The following KMT2E variants were observed in gnomAD, a reference collection of about 807,000 sequenced individuals.
The protein encoded by KMT2E is histone reader KMT2E.
In KMT2E, 30 loss-of-function variants were observed where a neutral mutation model predicts 184.6. The ratio of observed to expected loss-of-function variants is 0.16; its 90% confidence interval spans 0.12 to 0.22. The LOEUF (loss-of-function observed/expected upper bound fraction) is 0.22, where lower values mean the gene tolerates loss of function less well. Ranked by LOEUF, KMT2E falls within the 10% of genes least tolerant of loss-of-function variation. The pLI, the probability that KMT2E is intolerant of heterozygous loss-of-function variation, is 1.00. For missense variants in KMT2E, 2,023 were observed against 2,237.4 expected (o/e 0.90, Z 1.93); for synonymous variants, 815 against 776.5 (o/e 1.05, Z -0.82).
At chr7:105,054,458 GTCTATCTATCTATCTA>G (rs71152935) in intron 3 of KMT2E, among the ~76,000 whole-genome samples, 2,087 of 136,590 alleles carry the variant, frequency 0.015, 31 homozygotes, top group South Asian at 0.044. Context: ...CTGTCTGTCT[GTCTATCTATCTATCTA>G]TCTATCTATC....
intron 22 of KMT2E, 62 bp downstream of exon 22, chr7:105,107,987 T>C (rs1289729752): frequency 3.3e-5 from 37 of 1,124,762 alleles, no homozygotes; most frequent in Non-Finnish European, 4.3e-5. Context: ...ATAATACTAC[T>C]GAGGGGAATT....
In KMT2E at chr7:105,109,405, G is replaced by A. The variant is rs56654846; in HGVS notation, c.3755+177G>A. 3.7e-3 allele frequency among the ~76,000 whole-genome samples: 560 copies of A among 152,260 alleles called. 15 individuals are homozygous for A. The East Asian group carries it at 0.062, about 17-fold the overall frequency. ...TGTATGGCCTGTGTTCTTAAATGTC[G>A]ATTGTATTTATTCCTTGGTAATTTA... is the stretch of plus-strand genomic sequence containing the variant. On this transcript the variant is annotated intron_variant, in intron 23 of 26. Coordinates refer to ENST00000311117, the MANE Select transcript of KMT2E (RefSeq NM_182931.3).
intron 3 of KMT2E, among the ~76,000 whole-genome samples, chr7:105,042,181 G>A (rs923455705): frequency 6.6e-6 from 1 of 152,036 alleles, no homozygotes; most frequent in Admixed American, 6.5e-5. Context: ...AGTAGAGACA[G>A]GGTTTCACCA....
intron 3 of KMT2E, among the ~76,000 whole-genome samples, chr7:105,047,243 A>G (rs1796144610): frequency 6.6e-6 from 1 of 152,262 alleles, no homozygotes; most frequent in Non-Finnish European, 1.5e-5. Context: ...ACTCCCAGAA[A>G]GAAAATAAGT....
At position 105,107,293 on chromosome 7, in the gene KMT2E, G is replaced by T. The variant is rs768601052; in HGVS notation, c.2905-69G>T. 4.9e-4 allele frequency: 742 copies of T among 1,510,012 alleles called. 2 individuals carry two copies. The highest frequency in any genetic ancestry group is 1.1e-3 in the South Asian group (86 of 79,494). The allele number at this position is 1,510,012 out of a possible 1,614,324, so 93.5% of individuals were successfully genotyped here. On this transcript the variant is annotated intron_variant, in intron 21 of 26. Coordinates refer to ENST00000311117, the MANE Select transcript of KMT2E (RefSeq NM_182931.3). ...TTACATTGTTTTCCTTAAATTACTG[G>T]TAAATTTTGAAATAAACAGTCCCAA...
chr7:105,081,418 GTATTTTTAT>G (rs1042339390), intron 12 of KMT2E, among the ~76,000 whole-genome samples: 1 of 141,598 alleles, frequency 7.1e-6, no homozygotes, highest in African/African-American at 2.7e-5. Context: ...ATGAAATATA[GTATTTTTAT>G]TATTATTATT....
intron 1 of KMT2E, among the ~76,000 whole-genome samples, chr7:105,021,215 A>C (rs1330017107): frequency 6.6e-6 from 1 of 152,224 alleles, no homozygotes; most frequent in Non-Finnish European, 1.5e-5. Context: ...AGTAACTCTT[A>C]CCCAGAAAAT....
intron 3 of KMT2E, among the ~76,000 whole-genome samples, chr7:105,051,597 G>T (rs932431188): frequency 1.3e-5 from 2 of 151,936 alleles, no homozygotes; most frequent in African/African-American, 4.8e-5. Flanking sequence ...GGTCTGTACT[G>T]GGTCCTCCTT....
At position 105,111,928 on chromosome 7, in the gene KMT2E, ATGG is replaced by A; in HGVS notation, c.4175_4177del (p.Gly1392del). 6.2e-7 allele frequency: 1 copy of A among 1,614,210 alleles called. No individual in the cohort carries two copies. Among genetic ancestry groups the A allele is most frequent in the Admixed American group, 1.7e-5 (1 of 60,022 alleles). On this transcript the variant is annotated inframe_deletion, in exon 27 of 27. Transcript: ENST00000311117. ...ACAGTTAGTGCATCCGAAGCTGAAA[ATGG>A]TGTTCACCTAAAAACAGAGCTCCAA...
chr7:105,057,516 C>A (rs1313602173), intron 3 of KMT2E, among the ~76,000 whole-genome samples: 1 of 152,080 alleles, frequency 6.6e-6, no homozygotes, highest in East Asian at 1.9e-4. Flanking sequence ...ATGATCATAG[C>A]TCACTGCATC....
chr7:105,106,836 C>T (rs1934627620), intron 20 of KMT2E, 64 bp downstream of exon 20: 1 of 1,494,718 alleles, frequency 6.7e-7, no homozygotes. Flanking sequence ...CTTTTAAGAG[C>T]TCTTTCCCCT....
chr7:105,028,888 G>C (rs1023514212), intron 1 of KMT2E, among the ~76,000 whole-genome samples: 3 of 152,240 alleles, frequency 2.0e-5, no homozygotes, highest in Admixed American at 1.3e-4. Context: ...AATTTTTGTA[G>C]CTTTCTGTTG....
chr7:105,027,921 C>A (rs1463319265), intron 1 of KMT2E, among the ~76,000 whole-genome samples: 2 of 151,952 alleles, frequency 1.3e-5, no homozygotes, highest in African/African-American at 4.8e-5. Flanking sequence ...TTAAATACAT[C>A]TGAAATATTA....
At chr7:105,104,006 T>G (rs1329987947) in intron 17 of KMT2E, 1 of 151,872 alleles carries the variant, frequency 6.6e-6, no homozygotes, top group African/African-American at 2.4e-5. Context: ...TTTTTGTATT[T>G]TAGTAGAAAC....
In KMT2E at chr7:105,112,983, C is replaced by T. The variant is rs372594910; in HGVS notation, c.5227C>T (p.Pro1743Ser). Residue 1743 changes from proline to serine, a missense_variant, in exon 27 of 27, where the codon CCT becomes TCT. This residue lies in a region of KMT2E where 1,108 missense variants were observed against 1,050.9 expected (regional missense o/e 1.05). Transcript: ENST00000311117. ...TTSAQALHHP[P>S]HQGPPLFPSS... ...ATCAGCTCAAGCCTTACACCACCCACCTCATCAAGGACCTCCACTTTTTCC... is the reference window on the plus strand; with the variant it reads ...ATCAGCTCAAGCCTTACACCACCCATCTCATCAAGGACCTCCACTTTTTCC... 2 of 1,613,944 alleles carry T rather than the reference C, an allele frequency of 1.2e-6. No individual in the cohort carries two copies. The highest frequency in any genetic ancestry group is 2.7e-5 in the African/African-American group (2 of 74,874).
chr7:105,098,374 G>T (rs1798512773), intron 15 of KMT2E, among the ~76,000 whole-genome samples: 1 of 151,796 alleles, frequency 6.6e-6, no homozygotes, highest in African/African-American at 2.4e-5. Flanking sequence ...GGAGTAGCCA[G>T]AACTACAGGT....
chr7:105,063,932 A>T, intron 5 of KMT2E: 1 of 455,716 alleles, frequency 2.2e-6, no homozygotes, highest in Non-Finnish European at 4.3e-6. Context: ...ATTTGTGCTT[A>T]GTCAACTGTG....
intron 4 of KMT2E, among the ~76,000 whole-genome samples, chr7:105,062,794 G>C (rs947885072): frequency 1.3e-5 from 2 of 151,732 alleles, no homozygotes; most frequent in African/African-American, 2.4e-5. Flanking sequence ...TGCATATCTA[G>C]TAAGAGGCAG....
At chr7:105,110,938 A>G (rs1158677238) in intron 26 of KMT2E, 70 bp downstream of exon 26, 12 of 1,048,798 alleles carry the variant, frequency 1.1e-5, no homozygotes, top group Non-Finnish European at 1.8e-5. Context: ...GATGGTTATA[A>G]TATGCAGTGT....
Sources: gnomAD v4.1 joint callset for allele counts (sites outside exome capture counted in the v4.1 genomes callset) on GRCh38, gnomAD v4.1.1 for gene constraint, gnomAD v4.1.1 regional missense constraint, MANE v1.5 for transcripts, NCBI Gene and HGNC (gene_info 2026-07-23, HGNC 2026-07-21) for gene names.